Variants in MAGI2 observed in about 807,000 individuals in gnomAD.
MAGI2 encodes membrane associated guanylate kinase, WW and PDZ domain containing 2, also known as membrane-associated guanylate kinase, WW and PDZ domain-containing protein 2.
Under a neutral mutation model 133.3 loss-of-function variants are expected in MAGI2, and 35 were observed. That is an observed-to-expected ratio of 0.26 (90% CI 0.20 to 0.35). MAGI2 has a LOEUF of 0.35. Among genes scored for constraint, MAGI2 ranks in the 10% least tolerant of loss-of-function variants. The probability of loss-of-function intolerance (pLI) is 1.00; values close to 1 mark genes in which losing one functional copy is unlikely to be tolerated. For synonymous variants in MAGI2, 729 were observed against 710.6 expected (o/e 1.03, Z -0.41); for missense variants, 1,636 against 1,863.4 (o/e 0.88, Z 2.25).
intron 2 of MAGI2, among the ~76,000 whole-genome samples, chr7:78,871,693 T>C (rs1795038773): frequency 6.6e-6 from 1 of 152,042 alleles, no homozygotes; most frequent in Non-Finnish European, 1.5e-5. Flanking sequence ...TATACCTAAC[T>C]TACGTAAGAG....
chr7:78,845,674 G>A (rs1007318314), intron 2 of MAGI2, among the ~76,000 whole-genome samples: 8 of 151,966 alleles, frequency 5.3e-5, no homozygotes, highest in Non-Finnish European at 7.4e-5. Context: ...AATGTGAAAT[G>A]TCAAAGGGAA....
intron 2 of MAGI2, chr7:79,000,288 A>T (rs1239438322): frequency 6.6e-6 from 1 of 152,170 alleles, no homozygotes; most frequent in Non-Finnish European, 1.5e-5. Context: ...CCACAGGTTG[A>T]TGTCACTCTC....
intron 9 of MAGI2, among the ~76,000 whole-genome samples, chr7:78,281,832 A>G (rs1452523721): frequency 6.8e-6 from 1 of 148,056 alleles, no homozygotes; most frequent in Non-Finnish European, 1.5e-5. Flanking sequence ...CTATGGGACT[A>G]TCCTAATAAC....
intron 1 of MAGI2, chr7:79,173,086 T>C (rs865962321): frequency 1.4e-4 from 21 of 152,124 alleles, no homozygotes; most frequent in Admixed American, 3.3e-4. Flanking sequence ...TTATTAGAAC[T>C]TTATTATAAG....
intron 3 of MAGI2, among the ~76,000 whole-genome samples, chr7:78,556,812 G>A (rs978881887): frequency 9.9e-5 from 15 of 152,062 alleles, no homozygotes; most frequent in African/African-American, 3.4e-4. Context: ...TTTGCCGCCG[G>A]GCATGGTGGC....
chr7:78,941,770 A>ACACG (rs1801005942), intron 2 of MAGI2, among the ~76,000 whole-genome samples: 1 of 150,326 alleles, frequency 6.7e-6, no homozygotes, highest in African/African-American at 2.5e-5. Flanking sequence ...ACACACACAC[A>ACACG]CACACTTCTC....
intron 18 of MAGI2, among the ~76,000 whole-genome samples, chr7:78,129,875 C>T (rs964409400): frequency 3.4e-4 from 45 of 133,566 alleles, no homozygotes; most frequent in African/African-American, 1.1e-3. Context: ...GCAGAGGTTG[C>T]GGTGAGCCGA....
chr7:78,550,077 A>G (rs979702844), intron 3 of MAGI2, among the ~76,000 whole-genome samples: 2 of 152,212 alleles, frequency 1.3e-5, no homozygotes, highest in African/African-American at 2.4e-5. Context: ...ACACATAGAA[A>G]GCACCGTCTA....
intron 2 of MAGI2, among the ~76,000 whole-genome samples, chr7:78,931,834 A>C (rs1263390758): frequency 6.6e-6 from 1 of 152,046 alleles, no homozygotes; most frequent in East Asian, 1.9e-4. Context: ...TAAAATTGAA[A>C]AGTTAAATGT....
At chr7:78,653,928 G>A in intron 2 of MAGI2, among the ~76,000 whole-genome samples, 1 of 152,134 alleles carries the variant, frequency 6.6e-6, no homozygotes, top group East Asian at 1.9e-4. Context: ...GAATGTGCAA[G>A]AGATAGTTAT....
chr7:78,042,290 G>A lies in MAGI2; in HGVS notation c.3707-22314C>T, dbSNP rs577763840. ...CATGCTTTGATGAGTTACCCAAAGA[G>A]GAACGATATGATAATCTTAAAATGC... On this transcript the variant is annotated intron_variant, in intron 21 of 21. Transcript: ENST00000354212. 3.0e-4 allele frequency among the ~76,000 whole-genome samples: 45 copies of A among 152,314 alleles called. 1 individual carries two copies. In the South Asian group the frequency reaches 8.9e-3, roughly 30 times the overall value.
intron 1 of MAGI2, among the ~76,000 whole-genome samples, chr7:79,390,515 C>A (rs1371199099): frequency 6.6e-6 from 1 of 152,054 alleles, no homozygotes; most frequent in South Asian, 2.1e-4. Flanking sequence ...CAAATTATAT[C>A]AAGAAGGTTT....
chr7:78,223,439 G>T (rs1413844145), intron 10 of MAGI2, among the ~76,000 whole-genome samples: 3 of 152,130 alleles, frequency 2.0e-5, no homozygotes, highest in African/African-American at 7.2e-5. Context: ...TAAAGTACTT[G>T]TAAAGAGGGA....
chr7:78,313,779 C>T (rs1798927608), intron 9 of MAGI2, among the ~76,000 whole-genome samples: 1 of 151,984 alleles, frequency 6.6e-6, no homozygotes, highest in Non-Finnish European at 1.5e-5. Flanking sequence ...GAAAAAAAAT[C>T]ATATGCTTAT....
chr7:78,352,453 T>C (rs996274637), intron 7 of MAGI2, among the ~76,000 whole-genome samples: 12 of 152,224 alleles, frequency 7.9e-5, no homozygotes, highest in African/African-American at 2.9e-4. Flanking sequence ...TCCTGCCTCT[T>C]GAAAGATTTC....
intron 2 of MAGI2, among the ~76,000 whole-genome samples, chr7:78,660,206 G>T (rs542369324): frequency 1.2e-3 from 184 of 152,056 alleles, no homozygotes; most frequent in African/African-American, 4.2e-3. Context: ...CACCAACATA[G>T]CACATGTATA....
intron 2 of MAGI2, among the ~76,000 whole-genome samples, chr7:78,859,937 T>G (rs1794014841): frequency 6.6e-6 from 1 of 152,178 alleles, no homozygotes; most frequent in Admixed American, 6.5e-5. Flanking sequence ...TTTGTTCATT[T>G]CTTTTTACTC....
At chr7:78,253,693 A>G (rs1792668442) in intron 10 of MAGI2, 1 of 152,252 alleles carries the variant, frequency 6.6e-6, no homozygotes, top group South Asian at 2.1e-4. Context: ...GGGATAGGAC[A>G]GACAATTACT....
intron 12 of MAGI2, among the ~76,000 whole-genome samples, chr7:78,191,836 C>T (rs930101953): frequency 2.6e-5 from 4 of 151,948 alleles, no homozygotes; most frequent in Admixed American, 1.3e-4. Context: ...TTCAGGAATA[C>T]GTCTTTATTA....
Sources: gnomAD v4.1 joint callset for allele counts (sites outside exome capture counted in the v4.1 genomes callset) on GRCh38, gnomAD v4.1.1 for gene constraint, MANE v1.5 for transcripts, NCBI Gene and HGNC (gene_info 2026-07-23, HGNC 2026-07-21) for gene names.